The following WHRN variants were observed in gnomAD, a reference collection of about 807,000 sequenced individuals.
The protein encoded by WHRN is CASK-interacting protein CIP98.
WHRN carries 41 observed loss-of-function variants against 68.3 expected under a neutral mutation model. The observed-to-expected ratio is 0.60, with a 90% CI of 0.47 to 0.78. The LOEUF is 0.78. Ranked by LOEUF, WHRN falls within the 30% of genes least tolerant of loss-of-function variation. WHRN has a pLI of 0.00. For synonymous variants in WHRN, 560 were observed against 561.3 expected, an observed-to-expected ratio of 1.00 and a Z score of 0.03; for missense variants, 1,243 against 1,244.7, an observed-to-expected ratio of 1.00 and a Z score of 0.02.
chr9:114,421,573 G>A (rs1836288052), intron 7 of WHRN, among the ~76,000 whole-genome samples: 1 of 152,194 alleles, frequency 6.6e-6, no homozygotes, highest in East Asian at 1.9e-4. Context: ...ATTCTAAAGG[G>A]ACCACTGTAG....
chr9:114,502,627 G>A (rs1844028089), intron 1 of WHRN, among the ~76,000 whole-genome samples: 1 of 152,146 alleles, frequency 6.6e-6, no homozygotes, highest in Admixed American at 6.5e-5. Context: ...AGTCTGGGGT[G>A]CAAATTGAAG....
At chr9:114,407,828 G>C in intron 8 of WHRN, 119 bp downstream of exon 8, 1 of 809,872 alleles carries the variant, frequency 1.2e-6, no homozygotes, top group African/African-American at 1.7e-5. Flanking sequence ...TCATGGCAGA[G>C]GCCTCTGTCT....
chr9:114,503,056 T>C, intron 1 of WHRN: 3 of 903,018 alleles, frequency 3.3e-6, no homozygotes, highest in Non-Finnish European at 4.0e-6. Flanking sequence ...GGGAAGCAAA[T>C]GAGGGAAGCC....
chr9:114,425,175 A>C, intron 4 of WHRN, 151 bp from the exon 5 acceptor site: 1 of 807,628 alleles, frequency 1.2e-6, no homozygotes, highest in Non-Finnish European at 2.2e-6. Context: ...TCTGGGGGCT[A>C]CTCAGGGGTA....
At chr9:114,453,133 C>T (rs999485160) in intron 3 of WHRN, among the ~76,000 whole-genome samples, 1 of 152,188 alleles carries the variant, frequency 6.6e-6, no homozygotes, top group African/African-American at 2.4e-5. Flanking sequence ...GTCCTGCAGG[C>T]TGTACAAACA....
At chr9:114,466,473 G>A (rs1047490921) in intron 2 of WHRN, 81 bp from the exon 3 acceptor site, 109 of 1,589,152 alleles carry the variant, frequency 6.9e-5, no homozygotes, top group Middle Eastern at 1.7e-4. Flanking sequence ...GCCCCCTCTC[G>A]TACTTTGAAG....
chr9:114,501,395 A>G (rs532119014), intron 1 of WHRN, among the ~76,000 whole-genome samples: 2 of 152,228 alleles, frequency 1.3e-5, no homozygotes, highest in Non-Finnish European at 2.9e-5. Flanking sequence ...TCAAATCCTC[A>G]CTGAACTGCT....
At chr9:114,487,266 T>A (rs1401692512) in intron 1 of WHRN, among the ~76,000 whole-genome samples, 2 of 150,620 alleles carry the variant, frequency 1.3e-5, no homozygotes, top group Admixed American at 6.6e-5. Flanking sequence ...AGTGGAAGTC[T>A]CAACCCACCA....
rs781403848 is a variant in WHRN at position 114,504,609 on chromosome 9, A to G, written c.193T>C (p.Tyr65His). The G allele has an allele frequency of 1.2e-6, 2 of 1,611,128 alleles. No individual in the cohort carries two copies. Among genetic ancestry groups the G allele is most frequent in the South Asian group, 2.2e-5 (2 of 91,018 alleles). Residue 65 changes from tyrosine (Y) to histidine (H), a missense_variant, in exon 1 of 12, where the codon TAC (tyrosine) becomes CAC (histidine). Transcript: ENST00000362057. The part of the protein sequence containing the change: ...REQFTHCLNA[Y>H]HARRNVFDLV... ...TCGAAGACGTTGCGGCGCGCGTGGT[A>G]AGCGTTCAGGCAGTGGGTGAACTGC... is the stretch of plus-strand genomic sequence containing the variant.
intron 6 of WHRN, 28 bp downstream of exon 6, chr9:114,424,306 G>C: frequency 6.2e-7 from 1 of 1,611,254 alleles, no homozygotes; most frequent in Non-Finnish European, 8.5e-7. Flanking sequence ...AAATGCTGAA[G>C]CCAGTTGGGA....
rs554206462 is a variant in WHRN, at chr9:114,460,091, G to A, written c.963+6176C>T. Among the ~76,000 whole-genome samples the A allele has an allele frequency of 1.4e-4, 22 of 152,322 alleles. 1 individual carries two copies. The East Asian group carries it at 3.9e-3, about 27-fold the overall frequency. On this transcript the variant is annotated intron_variant, in intron 3 of 11. Coordinates refer to ENST00000362057, the MANE Select transcript of WHRN (RefSeq NM_015404.4). ...CTGGGGAAACTCAGGTGTGGAGGCC[G>A]TGGGCCAGGCAAGATCCAGGAACCA...
At chr9:114,460,760 C>T (rs1270003965) in intron 3 of WHRN, among the ~76,000 whole-genome samples, 2 of 152,204 alleles carry the variant, frequency 1.3e-5, no homozygotes, top group Non-Finnish European at 2.9e-5. Flanking sequence ...GCTAAGTGGG[C>T]TGAGCAGCTG....
intron 1 of WHRN, among the ~76,000 whole-genome samples, chr9:114,485,323 T>A (rs1457562212): frequency 6.6e-6 from 1 of 152,214 alleles, no homozygotes; most frequent in Non-Finnish European, 1.5e-5. Flanking sequence ...GACAATGGTG[T>A]TGGCTCTGTA....
chr9:114,463,900 C>G (rs1840447504), intron 3 of WHRN, among the ~76,000 whole-genome samples: 3 of 152,166 alleles, frequency 2.0e-5, no homozygotes, highest in African/African-American at 4.8e-5. Flanking sequence ...AACCAGACTC[C>G]TCATTCCTGG....
At chr9:114,479,024 T>C (rs533498604) in intron 1 of WHRN, among the ~76,000 whole-genome samples, 2 of 152,338 alleles carry the variant, frequency 1.3e-5, no homozygotes, top group Non-Finnish European at 2.9e-5. Context: ...GGAGTTTGCA[T>C]TGCAGGCCTG....
At chr9:114,494,244 C>T (rs1229919580) in intron 1 of WHRN, among the ~76,000 whole-genome samples, 1 of 152,176 alleles carries the variant, frequency 6.6e-6, no homozygotes, top group Non-Finnish European at 1.5e-5. Context: ...TGTTTTGTAC[C>T]TTCTACACTG....
At chr9:114,501,253 A>T (rs1843895063) in intron 1 of WHRN, among the ~76,000 whole-genome samples, 1 of 152,216 alleles carries the variant, frequency 6.6e-6, no homozygotes, top group Non-Finnish European at 1.5e-5. Context: ...GCTCCTGTTC[A>T]AGATATTTTT....
chr9:114,481,449 A>C (rs554100282), intron 1 of WHRN, among the ~76,000 whole-genome samples: 1 of 152,336 alleles, frequency 6.6e-6, no homozygotes, highest in Admixed American at 6.5e-5. Flanking sequence ...GTTAAGGTGA[A>C]GAGGCAGGAT....
chr9:114,442,811 C>T (rs1429982147), intron 3 of WHRN, among the ~76,000 whole-genome samples: 1 of 152,162 alleles, frequency 6.6e-6, no homozygotes, highest in Non-Finnish European at 1.5e-5. Flanking sequence ...GAACAGTGAG[C>T]CAGACAAAAC....
Sources: allele counts gnomAD v4.1 joint callset (sites outside exome capture counted in the v4.1 genomes callset), GRCh38; gene constraint gnomAD v4.1.1; transcripts MANE v1.5; gene names NCBI Gene and HGNC (gene_info 2026-07-23, HGNC 2026-07-21).